Variants in ANKRD50 observed in about 807,000 individuals in gnomAD.
ANKRD50 encodes ankyrin repeat domain 50.
In ANKRD50, 40 loss-of-function variants were observed where a neutral mutation model predicts 112.0. That is an observed-to-expected ratio of 0.36 (90% CI 0.28 to 0.46). The LOEUF is 0.46. Among genes scored for constraint, ANKRD50 ranks in the 20% least tolerant of loss-of-function variants. The pLI, the probability that ANKRD50 is intolerant of heterozygous loss-of-function variation, is 1.00. For missense variants in ANKRD50, 1,487 were observed against 1,701.7 expected, an observed-to-expected ratio of 0.87 and a Z score of 2.22; for synonymous variants, 613 against 619.1, an observed-to-expected ratio of 0.99 and a Z score of 0.15.
At chr4:124,682,622 T>C (rs937716589) in intron 2 of ANKRD50, among the ~76,000 whole-genome samples, 3 of 152,166 alleles carry the variant, frequency 2.0e-5, no homozygotes, top group Non-Finnish European at 4.4e-5. Flanking sequence ...CCCTGTATCA[T>C]TAGGAAATGA....
intron 2 of ANKRD50, among the ~76,000 whole-genome samples, chr4:124,689,313 T>G (rs564623884): frequency 2.7e-4 from 41 of 152,290 alleles, no homozygotes; most frequent in African/African-American, 3.4e-4. Context: ...TCTTTAAGAT[T>G]AAACAAAAAC....
At chr4:124,683,392 C>A (rs1275997157) in intron 2 of ANKRD50, among the ~76,000 whole-genome samples, 1 of 151,716 alleles carries the variant, frequency 6.6e-6, no homozygotes, top group Admixed American at 6.6e-5. Context: ...ATGATCAAAT[C>A]AGGGTAATCG....
chr4:124,672,491 G>A lies in ANKRD50; in HGVS notation c.786C>T (p.Ile262=), dbSNP rs371553062. The A allele has an allele frequency of 1.9e-5, 31 of 1,604,592 alleles. No individual in the cohort carries two copies. Among genetic ancestry groups the A allele is most frequent in the Admixed American group, 1.6e-4 (9 of 57,850 alleles). The change falls in exon 4 of 5, where the codon ATC becomes ATT. Residue 262 remains isoleucine (I), a synonymous_variant. Transcript: ENST00000504087. ...GAATGTACTGCTGAACATCCTTGACGATATATGCCTTCCGAAGGTCATCTA... is the reference window on the plus strand; with the variant it reads ...GAATGTACTGCTGAACATCCTTGACAATATATGCCTTCCGAAGGTCATCTA... The part of the protein sequence containing the change: ...ISLDDLRKAY[I]VKDVQQYILH...
Position 124,670,849 on chromosome 4 carries a change from T to C in ANKRD50, c.2428A>G (p.Ile810Val), listed in dbSNP as rs1486720939. Residue 810 changes from isoleucine (I) to valine (V), a missense_variant, in exon 4 of 5, where the codon ATT becomes GTT. Physicochemically the swap from Ile to Val is conservative, Grantham distance 29. Transcript: ENST00000504087. ...LLFWGAAVDS[I>V]DSEGRTVLSI... Reference sequence around the variant, plus strand: ...AGGACTGTCCTACCTTCACTATCAATACTATCCACAGCTGCACCCCAAAAC... The same window carrying C: ...AGGACTGTCCTACCTTCACTATCAACACTATCCACAGCTGCACCCCAAAAC... The C allele has an allele frequency of 6.2e-7, 1 of 1,613,680 alleles. No homozygotes were observed. Among genetic ancestry groups the C allele is most frequent in the African/African-American group, 1.3e-5 (1 of 74,854 alleles).
At chr4:124,683,720 C>G (rs1216845593) in intron 2 of ANKRD50, among the ~76,000 whole-genome samples, 14 of 149,838 alleles carry the variant, frequency 9.3e-5, no homozygotes, top group African/African-American at 3.4e-4. Context: ...TAGTGCCACT[C>G]CACTCCAGGC....
chr4:124,691,918 G>T (rs1365959008), intron 2 of ANKRD50, among the ~76,000 whole-genome samples: 5 of 152,138 alleles, frequency 3.3e-5, no homozygotes, highest in African/African-American at 7.2e-5. Flanking sequence ...AATCCAAAAT[G>T]CTCCAAAGTC....
At position 124,669,563 on chromosome 4, in the gene ANKRD50, T is replaced by C. The variant is rs1560816942; in HGVS notation, c.3714A>G (p.Thr1238=). Residue 1238 remains threonine, a synonymous_variant, in exon 4 of 5, where the codon ACA becomes ACG. Coordinates refer to ENST00000504087, the MANE Select transcript of ANKRD50 (RefSeq NM_020337.3). ...SRQSIVSPSS[T]TQSLGQSHNS... Reference sequence around the variant, plus strand: ...TATGACTCTGTCCTAAGGACTGTGTTGTGGAAGATGGGGAAACAATTGACT... The same window carrying C: ...TATGACTCTGTCCTAAGGACTGTGTCGTGGAAGATGGGGAAACAATTGACT... 1 of 1,613,372 alleles carries C rather than the reference T, an allele frequency of 6.2e-7. No individual in the cohort carries two copies. The highest frequency in any genetic ancestry group is 1.7e-5 in the Admixed American group (1 of 59,982).
At chr4:124,674,686 G>C (rs1193028854) in intron 3 of ANKRD50, among the ~76,000 whole-genome samples, 1 of 151,946 alleles carries the variant, frequency 6.6e-6, no homozygotes, top group Non-Finnish European at 1.5e-5. Context: ...GGGGAATGAA[G>C]AGGAGGGAGT....
chr4:124,691,498 CAAAAAAAAAAAAAA>C (rs71583369), intron 2 of ANKRD50, among the ~76,000 whole-genome samples: 1 of 59,764 alleles, frequency 1.7e-5, no homozygotes, highest in Non-Finnish European at 2.8e-5. Context: ...GACTCCGTCT[CAAAAAAAAAAAAAA>C]AAAAAAAAAA....
rs1730627534 is a variant in ANKRD50 at position 124,670,790 on chromosome 4, C to A, written c.2487G>T (p.Val829=). The change falls in exon 4 of 5, where the codon GTG becomes GTT. Residue 829 remains valine (V), a synonymous_variant. Coordinates refer to ENST00000504087, the MANE Select transcript of ANKRD50 (RefSeq NM_020337.3). ...SIASAQGNVE[V]VRTLLDRGLD... is the part of the protein sequence containing the mutation. ...ACCCTCTATCCAGTAGAGTACGTAC[C>A]ACCTCAACATTTCCTTGTGCTGAAG... The A allele has an allele frequency of 6.2e-7, 1 of 1,613,886 alleles. No individual in the cohort carries two copies. Among genetic ancestry groups the A allele is most frequent in the Admixed American group, 1.7e-5 (1 of 59,988 alleles).
Position 124,711,008 on chromosome 4 carries a change from G to A in ANKRD50, c.-497C>T, listed in dbSNP as rs1435592811. 1.3e-5 allele frequency: 5 copies of A among 373,132 alleles called. No homozygotes were observed. In the East Asian group the frequency reaches 1.5e-4, roughly 12 times the overall value. 23.1% of individuals were successfully genotyped at this position (373,132 alleles called of 1,614,324 possible). On this transcript the variant is annotated 5_prime_UTR_variant, in exon 2 of 5. Transcript: ENST00000504087. ...AGAGATTACATTTATACGGTATGAG[G>A]TACAGTATGTAAGTAGCTCTGTATT...
At chr4:124,701,523 AATGTGT>A (rs1320660189) in intron 2 of ANKRD50, among the ~76,000 whole-genome samples, 2 of 151,940 alleles carry the variant, frequency 1.3e-5, no homozygotes, top group Admixed American at 6.6e-5. Flanking sequence ...ACTTAGCTAA[AATGTGT>A]ATAGTAGAAA....
At chr4:124,692,110 A>T (rs948544414) in intron 2 of ANKRD50, among the ~76,000 whole-genome samples, 4 of 152,198 alleles carry the variant, frequency 2.6e-5, no homozygotes, top group Non-Finnish European at 5.9e-5. Flanking sequence ...AATGAATTTC[A>T]TGTTTAGACT....
Position 124,669,019 on chromosome 4 carries a change from T to TAGC in ANKRD50, c.4257_4258insGCT (p.Pro1419_Ser1420insAla). On this transcript the variant is annotated inframe_insertion, in exon 4 of 5. Coordinates refer to ENST00000504087, the MANE Select transcript of ANKRD50 (RefSeq NM_020337.3). ...GGTGTTTCCTTTTTATAGTTGAAGC[T>TAGC]AGGGTCAGAACCTTCAATCTGAAGC... The TAGC allele has an allele frequency of 6.2e-7, 1 of 1,607,750 alleles. No individual in the cohort carries two copies. The highest frequency in any genetic ancestry group is 1.7e-4 in the Middle Eastern group (1 of 6,044).
intron 4 of ANKRD50, 68 bp downstream of exon 4, chr4:124,668,916 G>A (rs1730560353): frequency 2.1e-6 from 3 of 1,425,788 alleles, no homozygotes; most frequent in Non-Finnish European, 2.9e-6. Context: ...TGTGATCAAG[G>A]AAAAGAGCAT....
At position 124,681,040 on chromosome 4, in the gene ANKRD50, G is replaced by A. The variant is rs562076442; in HGVS notation, c.513-2135C>T. Among the ~76,000 whole-genome samples the A allele has an allele frequency of 5.9e-5, 9 of 152,214 alleles. No individual in the cohort carries two copies. In the South Asian group the frequency reaches 6.2e-4, roughly 11 times the overall value. The stretch of plus-strand genomic sequence containing the variant: ...AATATTTTAAGCAGAAAATTGATAT[G>A]TTTATACTGGAGTTTAGAAAGGTAA... On this transcript the variant is annotated intron_variant, in intron 2 of 4. Coordinates refer to ENST00000504087, the MANE Select transcript of ANKRD50 (RefSeq NM_020337.3).
chr4:124,701,125 G>T (rs139357034), intron 2 of ANKRD50, among the ~76,000 whole-genome samples: 1 of 152,052 alleles, frequency 6.6e-6, no homozygotes, highest in African/African-American at 2.4e-5. Context: ...CACCATGCTC[G>T]ACTAATTTTA....
intron 2 of ANKRD50, among the ~76,000 whole-genome samples, chr4:124,693,027 T>C (rs72927437): frequency 0.042 from 6,466 of 152,196 alleles, 159 homozygotes; most frequent in Middle Eastern, 0.078. Context: ...GTGAGACAAG[T>C]AGTAAATGGC....
chr4:124,676,511 T>G (rs1196420829), intron 3 of ANKRD50, among the ~76,000 whole-genome samples: 1 of 151,562 alleles, frequency 6.6e-6, no homozygotes, highest in African/African-American at 2.4e-5. Context: ...CATATCTATA[T>G]GTACACACAC....
Sources: gnomAD v4.1 joint callset for allele counts (sites outside exome capture counted in the v4.1 genomes callset) on GRCh38, gnomAD v4.1.1 for gene constraint, MANE v1.5 for transcripts, NCBI Gene and HGNC (gene_info 2026-07-23, HGNC 2026-07-21) for gene names.